The following HOXA13 variants were observed in gnomAD, a reference collection of about 807,000 sequenced individuals.
HOXA13 encodes the protein homeobox A13.
Under a neutral mutation model 25.7 loss-of-function variants are expected in HOXA13, and 5 were observed. The observed-to-expected ratio is 0.19, with a 90% CI of 0.10 to 0.41. HOXA13 has a LOEUF of 0.41. Ranked by LOEUF, HOXA13 falls within the 10% of genes least tolerant of loss-of-function variation. The probability of loss-of-function intolerance (pLI) is 1.00; values close to 1 mark genes in which losing one functional copy is unlikely to be tolerated. For synonymous variants in HOXA13, 284 were observed against 241.1 expected (o/e 1.18, Z -1.65); for missense variants, 557 against 533.5 (o/e 1.04, Z -0.43).
chr7:27,198,320 T>C lies in HOXA13; in HGVS notation c.1045A>G (p.Lys349Glu), dbSNP rs1365198545. 2 of 1,614,128 alleles carry C rather than the reference T, an allele frequency of 1.2e-6. No homozygotes were observed. The highest frequency in any genetic ancestry group is 2.7e-5 in the African/African-American group (2 of 74,934). Residue 349 changes from lysine to glutamate, a missense_variant, in exon 2 of 2, where the codon AAG (lysine) becomes GAG (glutamate). By Grantham distance (56) the Lys-to-Glu change is moderately conservative (BLOSUM62 1). Transcript: ENST00000649031. Reference protein sequence around the residue: ...REYATNKFITKDKRRRISATT... With the variant: ...REYATNKFITEDKRRRISATT... ...GCTGATATCCGCCTCCGTTTGTCCT[T>C]AGTAATGAATTTATTCGTGGCGTAT...
chr7:27,199,996 C>T lies in HOXA13; in HGVS notation c.82G>A (p.Ala28Thr), dbSNP rs868144752. The change falls in exon 1 of 2, where the codon GCC becomes ACC. Residue 28 changes from alanine (A) to threonine (T), a missense_variant. Transcript: ENST00000649031. ...FLYDNGGGLV[A>T]DELNKNMEGA... ...TCCATGTTCTTGTTGAGCTCGTCGG[C>T]CACCAGGCCGCCGCCGTTGTCGTAG... 1.4e-6 allele frequency: 2 copies of T among 1,481,324 alleles called. No homozygotes were observed. The highest frequency in any genetic ancestry group is 9.1e-7 in the Non-Finnish European group (1 of 1,103,864). 91.8% of individuals were successfully genotyped at this position (1,481,324 alleles called of 1,614,324 possible).
intron 1 of HOXA13, 88 bp downstream of exon 1, chr7:27,199,068 G>A (rs1422807569): frequency 7.4e-7 from 1 of 1,351,314 alleles, no homozygotes; most frequent in Non-Finnish European, 1.0e-6. Flanking sequence ...GAAGAGAACA[G>A]AAACGCACCC....
intron 1 of HOXA13, 119 bp downstream of exon 1, chr7:27,199,037 A>G (rs1052038488): frequency 1.0e-6 from 1 of 965,698 alleles, no homozygotes; most frequent in African/African-American, 1.6e-5. Context: ...CCAGGGGTGC[A>G]GAGCCGCTAG....
rs1181733547 is a variant in HOXA13 at position 27,196,685 on chromosome 7, T to C, written c.*1513A>G. On this transcript the variant is annotated 3_prime_UTR_variant, in exon 2 of 2. Coordinates refer to ENST00000649031, the MANE Select transcript of HOXA13 (RefSeq NM_000522.5). ...TGTAATACCTGACACTTTAATCTCC[T>C]TGAAGCACTTATCATTTTTTAGGAT... 6.5e-6 allele frequency: 1 copy of C among 153,626 alleles called. No homozygotes were observed. The highest frequency in any genetic ancestry group is 1.5e-5 in the Non-Finnish European group (1 of 68,770). The allele number at this position is 153,626 out of a possible 1,614,324, so 9.5% of individuals were successfully genotyped here.
Position 27,195,832 on chromosome 7 carries a change from G to T in HOXA13, c.*2366C>A, listed in dbSNP as rs965469733. 4 of 152,120 alleles carry T rather than the reference G, an allele frequency of 2.6e-5. No individual in the cohort carries two copies. Among genetic ancestry groups the T allele is most frequent in the African/African-American group, 9.7e-5 (4 of 41,406 alleles). The allele number at this position is 152,120 out of a possible 1,614,324, so 9.4% of individuals were successfully genotyped here. A position where few individuals can be genotyped will look rare whatever the true frequency, so the allele number is the denominator to read the frequency against. ...ACTCTAGAACTCTAGACTTAGCAAG[G>T]CATCTGAATCTTAATTTGCTGTAAA... On this transcript the variant is annotated 3_prime_UTR_variant, in exon 2 of 2. Coordinates refer to ENST00000649031, the MANE Select transcript of HOXA13 (RefSeq NM_000522.5).
At position 27,199,277 on chromosome 7, in the gene HOXA13, T is replaced by C. The variant is rs1178145273; in HGVS notation, c.801A>G (p.Glu267=). ...GLGGPGESRH[E]PLGLPMESYQ... ...AGCTTTCCATGGGAAGACCCAAGGG[T>C]TCGTGGCGCGACTCGCCGGGGCCCC... Residue 267 remains glutamate (E), a synonymous_variant, in exon 1 of 2, where the codon GAA becomes GAG. Transcript: ENST00000649031. 1 of 1,613,988 alleles carries C rather than the reference T, an allele frequency of 6.2e-7. No homozygotes were observed. The highest frequency in any genetic ancestry group is 1.7e-5 in the Admixed American group (1 of 60,012).
At chr7:27,199,087 C>T in intron 1 of HOXA13, 69 bp downstream of exon 1, 1 of 1,490,336 alleles carries the variant, frequency 6.7e-7, no homozygotes, top group Non-Finnish European at 9.0e-7. Context: ...CCGGGATCGC[C>T]CGGGTGCGAG....
In HOXA13 at chr7:27,199,540, G is replaced by A. The variant is rs1258287618; in HGVS notation, c.538C>T (p.Pro180Ser). 1.3e-6 allele frequency: 2 copies of A among 1,579,490 alleles called. No homozygotes were observed. The highest frequency in any genetic ancestry group is 1.4e-5 in the African/African-American group (1 of 74,026). The part of the protein sequence containing the change: ...PYGYFGSGYY[P>S]CARMGPHPNA... ...GGGTGCGGGCCCATGCGGGCGCACG[G>A]GTAGTAGCCGCTGCCGAAGTAGCCA... The change falls in exon 1 of 2, where the codon CCG (proline) becomes TCG (serine). Residue 180 changes from proline (P) to serine (S), a missense_variant. By Grantham distance (74) the Pro-to-Ser change is moderately conservative. Coordinates refer to ENST00000649031, the MANE Select transcript of HOXA13 (RefSeq NM_000522.5).
Position 27,196,502 on chromosome 7 carries a change from A to C in HOXA13, c.*1696T>G, listed in dbSNP as rs1784005495. 2 of 152,256 alleles carry C rather than the reference A, an allele frequency of 1.3e-5. No individual in the cohort carries two copies. Among genetic ancestry groups the C allele is most frequent in the African/African-American group, 2.4e-5 (1 of 41,470 alleles). 9.4% of individuals were successfully genotyped at this position (152,256 alleles called of 1,614,324 possible). The stretch of plus-strand genomic sequence containing the variant: ...CCTTTCGTAGTCCTGTCATTTCAAC[A>C]AATATCAAAACCTGCCCTCTCAGAC... On this transcript the variant is annotated 3_prime_UTR_variant, in exon 2 of 2. Transcript: ENST00000649031.
rs1424016150 is a variant in HOXA13, at chr7:27,197,735, T to C, written c.*463A>G. The C allele has an allele frequency of 3.9e-6, 1 of 255,784 alleles. No individual in the cohort carries two copies. The highest frequency in any genetic ancestry group is 2.2e-5 in the African/African-American group (1 of 45,234). The allele number at this position is 255,784 out of a possible 1,614,324, so 15.8% of individuals were successfully genotyped here. ...CGTACAACAACGGTAGGAATTTCAC[T>C]AAGATTTACCTGAGCAGACGCTTAA... On this transcript the variant is annotated 3_prime_UTR_variant, in exon 2 of 2. Transcript: ENST00000649031.
Position 27,196,560 on chromosome 7 carries a change from G to T in HOXA13, c.*1638C>A, listed in dbSNP as rs1162356307. 1 of 152,142 alleles carries T rather than the reference G, an allele frequency of 6.6e-6. No homozygotes were observed. Among genetic ancestry groups the T allele is most frequent in the Non-Finnish European group, 1.5e-5 (1 of 68,030 alleles). The allele number at this position is 152,142 out of a possible 1,614,324, so 9.4% of individuals were successfully genotyped here. Reference sequence around the variant, plus strand: ...GACCCAACAGCAGATTTTAAAATACGACAGCCTAGGCATTGCTGCTACAAA... The same window carrying T: ...GACCCAACAGCAGATTTTAAAATACTACAGCCTAGGCATTGCTGCTACAAA... On this transcript the variant is annotated 3_prime_UTR_variant, in exon 2 of 2. Coordinates refer to ENST00000649031, the MANE Select transcript of HOXA13 (RefSeq NM_000522.5).
chr7:27,199,725 G>A lies in HOXA13; in HGVS notation c.353C>T (p.Ala118Val). The A allele has an allele frequency of 1.0e-6, 1 of 1,002,126 alleles. No individual in the cohort carries two copies. Among genetic ancestry groups the A allele is most frequent in the Non-Finnish European group, 1.2e-6 (1 of 843,156 alleles). The allele number at this position is 1,002,126 out of a possible 1,614,324, so 62.1% of individuals were successfully genotyped here. ...APGEAPPSAA[A>V]AAAAAAAAAA... ...TGCAGCGGCAGCCGCGGCAGCAGCGGCGGCAGCCGACGGGGGCGCCTCCCC... is the reference window on the plus strand; with the variant it reads ...TGCAGCGGCAGCCGCGGCAGCAGCGACGGCAGCCGACGGGGGCGCCTCCCC... Residue 118 changes from alanine (A) to valine (V), a missense_variant, in exon 1 of 2, where the codon GCC becomes GTC. Ala to Val is a moderately conservative substitution (Grantham distance 64). Coordinates refer to ENST00000649031, the MANE Select transcript of HOXA13 (RefSeq NM_000522.5).
rs1289775096 is a variant in HOXA13 at position 27,199,577 on chromosome 7, C to G, written c.501G>C (p.Ala167=). ...SAAAQSSSGP[A]ALPYGYFGSG... is the part of the protein sequence containing the mutation. ...TGCCGAAGTAGCCATAGGGCAGCGC[C>G]GCGGGCCCCGACGAGCTCTGCGCCG... The change falls in exon 1 of 2, where the codon GCG becomes GCC. Residue 167 remains alanine, a synonymous_variant. Transcript: ENST00000649031. The G allele has an allele frequency of 2.0e-6, 3 of 1,532,178 alleles. No individual in the cohort carries two copies. Among genetic ancestry groups the G allele is most frequent in the South Asian group, 2.4e-5 (2 of 82,010 alleles). 94.9% of individuals were successfully genotyped at this position (1,532,178 alleles called of 1,614,324 possible).
At chr7:27,198,562 C>A in intron 1 of HOXA13, 120 bp from the exon 2 acceptor site, 1 of 1,196,718 alleles carries the variant, frequency 8.4e-7, no homozygotes, top group Admixed American at 1.8e-5. Context: ...ACCCGCTGTA[C>A]AATCCTGTCT....
chr7:27,199,747 C>T lies in HOXA13; in HGVS notation c.331G>A (p.Glu111Lys), dbSNP rs1258803151. 4.0e-6 allele frequency: 4 copies of T among 996,806 alleles called. No individual in the cohort carries two copies. The highest frequency in any genetic ancestry group is 4.3e-5 in the South Asian group (1 of 23,010). 61.7% of individuals were successfully genotyped at this position (996,806 alleles called of 1,614,324 possible). A position where few individuals can be genotyped will look rare whatever the true frequency, so the allele number is the denominator to read the frequency against. ...AASAYSSAPG[E>K]APPSAAAAAA... ...GCGGCGGCAGCCGACGGGGGCGCCTCCCCGGGGGCGCTGCTGTAGGCGGAC... is the reference window on the plus strand; with the variant it reads ...GCGGCGGCAGCCGACGGGGGCGCCTTCCCGGGGGCGCTGCTGTAGGCGGAC... The change falls in exon 1 of 2, where the codon GAG (glutamate) becomes AAG (lysine). Residue 111 changes from glutamate to lysine, a missense_variant. Glu to Lys is a moderately conservative substitution (Grantham distance 56). Coordinates refer to ENST00000649031, the MANE Select transcript of HOXA13 (RefSeq NM_000522.5).
Position 27,197,927 on chromosome 7 carries a change from C to A in HOXA13, c.*271G>T. Reference sequence around the variant, plus strand: ...TAACTGCGTAACTTATCTGAAATTGCGTATTTTGGGGGTTGACGTTTGACA... The same window carrying A: ...TAACTGCGTAACTTATCTGAAATTGAGTATTTTGGGGGTTGACGTTTGACA... On this transcript the variant is annotated 3_prime_UTR_variant, in exon 2 of 2. Coordinates refer to ENST00000649031, the MANE Select transcript of HOXA13 (RefSeq NM_000522.5). 2.0e-6 allele frequency: 1 copy of A among 508,000 alleles called. No individual in the cohort carries two copies. Among genetic ancestry groups the A allele is most frequent in the Non-Finnish European group, 3.5e-6 (1 of 283,148 alleles). 31.5% of individuals were successfully genotyped at this position (508,000 alleles called of 1,614,324 possible).
chr7:27,198,000 A>G lies in HOXA13; in HGVS notation c.*198T>C. ...GTTGGCGGAAGAACTGGCAGTCTTTACCTTTCTTAAAGTTTTAAAACAGTT... is the reference window on the plus strand; with the variant it reads ...GTTGGCGGAAGAACTGGCAGTCTTTGCCTTTCTTAAAGTTTTAAAACAGTT... On this transcript the variant is annotated 3_prime_UTR_variant, in exon 2 of 2. Transcript: ENST00000649031. The G allele has an allele frequency of 1.5e-6, 1 of 668,600 alleles. No homozygotes were observed. Among genetic ancestry groups the G allele is most frequent in the Non-Finnish European group, 2.5e-6 (1 of 396,540 alleles). 41.4% of individuals were successfully genotyped at this position (668,600 alleles called of 1,614,324 possible).
At position 27,199,946 on chromosome 7, in the gene HOXA13, C is replaced by T; in HGVS notation, c.132G>A (p.Ala44=). ...CCCCGGCAGCCGCCGCCGCTGCAGC[C>T]GCTGCTGCAGCCGCCGCCGCCCCTT... The part of the protein sequence containing the change: ...NMEGAAAAAA[A]AAAAAAAGAG... The change falls in exon 1 of 2, where the codon GCG becomes GCA. Residue 44 remains alanine, a synonymous_variant. Transcript: ENST00000649031. 2 of 1,315,712 alleles carry T rather than the reference C, an allele frequency of 1.5e-6. No homozygotes were observed. Among genetic ancestry groups the T allele is most frequent in the South Asian group, 1.7e-5 (1 of 57,680 alleles). The allele number at this position is 1,315,712 out of a possible 1,614,324, so 81.5% of individuals were successfully genotyped here. A position where few individuals can be genotyped will look rare whatever the true frequency, so the allele number is the denominator to read the frequency against.
Position 27,200,015 on chromosome 7 carries a change from G to T in HOXA13, c.63C>A (p.Asp21Glu). ...CGTCGGCCACCAGGCCGCCGCCGTTGTCGTAGAGAAACATGACGGTGGGCT... is the reference window on the plus strand; with the variant it reads ...CGTCGGCCACCAGGCCGCCGCCGTTTTCGTAGAGAAACATGACGGTGGGCT... ...WIEPTVMFLY[D>E]NGGGLVADEL... The change falls in exon 1 of 2, where the codon GAC becomes GAA. Residue 21 changes from aspartate (D) to glutamate (E), a missense_variant. Asp to Glu is a conservative substitution (Grantham distance 45). Coordinates refer to ENST00000649031, the MANE Select transcript of HOXA13 (RefSeq NM_000522.5). 1 of 1,491,686 alleles carries T rather than the reference G, an allele frequency of 6.7e-7. No homozygotes were observed. Among genetic ancestry groups the T allele is most frequent in the Non-Finnish European group, 9.0e-7 (1 of 1,107,850 alleles). 92.4% of individuals were successfully genotyped at this position (1,491,686 alleles called of 1,614,324 possible).
Sources: gnomAD v4.1 joint callset for allele counts on GRCh38, gnomAD v4.1.1 for gene constraint, MANE v1.5 for transcripts, NCBI Gene and HGNC (gene_info 2026-07-23, HGNC 2026-07-21) for gene names.